The following CENPW variants were observed in gnomAD, a reference collection of about 807,000 sequenced individuals.
CENPW encodes the protein centromere protein W, also known as cancer-up-regulated gene 2 protein.
CENPW carries 3 observed loss-of-function variants against 11.1 expected under a neutral mutation model. The ratio of observed to expected loss-of-function variants is 0.27; its 90% CI spans 0.12 to 0.70. The LOEUF is 0.70. CENPW is among the 30% of genes least tolerant of loss of function. CENPW has a pLI of 0.77. For synonymous variants in CENPW, 38 were observed against 42.0 expected, an observed-to-expected ratio of 0.91 and a Z score of 0.37; for missense variants, 100 against 105.6, an observed-to-expected ratio of 0.95 and a Z score of 0.23.
the CENPW span, among the ~76,000 whole-genome samples, chr6:126,395,203 A>G: frequency 6.6e-6 from 1 of 152,164 alleles, no homozygotes; most frequent in African/African-American, 2.4e-5. Context: ...TTCTGTATGC[A>G]TGCTTCATTG....
the CENPW span, among the ~76,000 whole-genome samples, chr6:126,380,224 A>G: frequency 6.6e-6 from 1 of 152,210 alleles, no homozygotes; most frequent in Non-Finnish European, 1.5e-5. Context: ...ACTGAAACAT[A>G]TCCTTTTAGA....
chr6:126,425,986 G>C, the CENPW span, among the ~76,000 whole-genome samples: 1 of 151,944 alleles, frequency 6.6e-6, no homozygotes, highest in Non-Finnish European at 1.5e-5. Flanking sequence ...CTAAAGGAGT[G>C]CCACCCAGTT....
At chr6:126,385,989 T>C in the CENPW span, among the ~76,000 whole-genome samples, 1 of 152,078 alleles carries the variant, frequency 6.6e-6, no homozygotes, top group South Asian at 2.1e-4. Context: ...TAGAATTCAG[T>C]TGGTAATGCC....
chr6:126,415,971 G>T, the CENPW span, among the ~76,000 whole-genome samples: 1 of 152,166 alleles, frequency 6.6e-6, no homozygotes. Flanking sequence ...TTTGGAACTG[G>T]GTAACAGGCA....
the CENPW span, among the ~76,000 whole-genome samples, chr6:126,413,768 A>C: frequency 6.6e-6 from 1 of 152,014 alleles, no homozygotes; most frequent in Non-Finnish European, 1.5e-5. Context: ...GAACAAAAGA[A>C]TATATAAAAC....
the CENPW span, among the ~76,000 whole-genome samples, chr6:126,376,819 TAAAAG>T: frequency 9.9e-5 from 15 of 152,118 alleles, no homozygotes; most frequent in African/African-American, 3.6e-4. Context: ...CATTGATTGA[TAAAAG>T]GAGAGAAGAG....
chr6:126,357,719 C>G, the CENPW span, among the ~76,000 whole-genome samples: 1 of 152,064 alleles, frequency 6.6e-6, no homozygotes, highest in Admixed American at 6.5e-5. Flanking sequence ...AGTGATTGTC[C>G]TGCCTCAGCC....
chr6:126,400,196 C>A, the CENPW span, among the ~76,000 whole-genome samples: 1 of 151,990 alleles, frequency 6.6e-6, no homozygotes, highest in Non-Finnish European at 1.5e-5. Flanking sequence ...TTATTTTACA[C>A]CCCACAGAAA....
the CENPW span, among the ~76,000 whole-genome samples, chr6:126,451,829 G>A: frequency 1.3e-5 from 2 of 151,200 alleles, no homozygotes; most frequent in African/African-American, 4.8e-5. Context: ...AAGAAATTTG[G>A]TTAGTATTGT....
the CENPW span, among the ~76,000 whole-genome samples, chr6:126,442,114 A>G: frequency 8.6e-5 from 13 of 151,378 alleles, no homozygotes; most frequent in African/African-American, 3.1e-4. Context: ...GCCAACATCT[A>G]TTATGTTTTG....
At chr6:126,479,684 G>GTT in the CENPW span, among the ~76,000 whole-genome samples, 4 of 151,902 alleles carry the variant, frequency 2.6e-5, no homozygotes, top group African/African-American at 9.7e-5. Flanking sequence ...GCAAGGAAGC[G>GTT]TTTACATTTG....
At chr6:126,434,732 GGT>G in the CENPW span, among the ~76,000 whole-genome samples, 1 of 151,748 alleles carries the variant, frequency 6.6e-6, no homozygotes, top group Non-Finnish European at 1.5e-5. Flanking sequence ...CAAAAAAAAT[GGT>G]GTGTTAAAAT....
At chr6:126,343,384 A>G (rs1317251514) in intron 1 of CENPW, among the ~76,000 whole-genome samples, 2 of 152,224 alleles carry the variant, frequency 1.3e-5, no homozygotes, top group Non-Finnish European at 2.9e-5. Context: ...AATTTGTCTC[A>G]GTATCTGTAT....
the CENPW span, among the ~76,000 whole-genome samples, chr6:126,412,074 T>TCC: frequency 1.3e-3 from 12 of 9,422 alleles, no homozygotes; most frequent in African/African-American, 4.6e-3. Flanking sequence ...CTCCCTCCTT[T>TCC]CTCTCTCTCT....
the CENPW span, among the ~76,000 whole-genome samples, chr6:126,400,894 T>C: frequency 6.6e-6 from 1 of 152,134 alleles, no homozygotes; most frequent in Non-Finnish European, 1.5e-5. Context: ...TTATTTCTAA[T>C]AGTTTTTAAT....
At chr6:126,368,352 A>G in the CENPW span, among the ~76,000 whole-genome samples, 10 of 152,342 alleles carry the variant, frequency 6.6e-5, no homozygotes, top group East Asian at 5.8e-4. Context: ...GGCTGAGCAC[A>G]GTAAAGGTTC....
chr6:126,417,194 C>T, the CENPW span, among the ~76,000 whole-genome samples: 1 of 152,204 alleles, frequency 6.6e-6, no homozygotes, highest in South Asian at 2.1e-4. Flanking sequence ...GGATTTCAGA[C>T]TGGCATGGGG....
chr6:126,430,453 A>G, the CENPW span, among the ~76,000 whole-genome samples: 1 of 152,236 alleles, frequency 6.6e-6, no homozygotes, highest in Admixed American at 6.5e-5. Context: ...CATAATTTAA[A>G]TAATTACACT....
At chr6:126,377,224 C>G in the CENPW span, among the ~76,000 whole-genome samples, 1 of 152,076 alleles carries the variant, frequency 6.6e-6, no homozygotes, top group Middle Eastern at 3.4e-3. Flanking sequence ...TACAGAGATC[C>G]TCACAATTTA....
Sources: gnomAD v4.1 joint callset for allele counts (sites outside exome capture counted in the v4.1 genomes callset) on GRCh38, gnomAD v4.1.1 for gene constraint, MANE v1.5 for transcripts, NCBI Gene and HGNC (gene_info 2026-07-23, HGNC 2026-07-21) for gene names.